C4BPA: variants seen among roughly 807,000 people sequenced by gnomAD.
C4BPA encodes the protein C4b-binding protein alpha chain.
C4BPA carries 31 observed loss-of-function variants against 63.7 expected under a neutral mutation model. The ratio of observed to expected loss-of-function variants is 0.49; its 90% CI spans 0.37 to 0.66. The LOEUF (loss-of-function observed/expected upper bound fraction) is 0.66. Among genes scored for constraint, C4BPA ranks in the 30% least tolerant of loss-of-function variants. The pLI is 0.00. For synonymous variants in C4BPA, 259 were observed against 254.7 expected, an observed-to-expected ratio of 1.02 and a Z score of -0.16; for missense variants, 572 against 723.3, an observed-to-expected ratio of 0.79 and a Z score of 2.40.
Position 207,113,060 on chromosome 1 carries a change from A to T in C4BPA, c.35A>T (p.His12Leu). The change falls in exon 2 of 12, where the codon CAT (histidine) becomes CTT (leucine). Residue 12 changes from histidine (H) to leucine (L), a missense_variant. This residue lies in a region of C4BPA where 107 missense variants were observed against 93.9 expected (regional missense o/e 1.14). Transcript: ENST00000367070. ...CCAAAAACTCCATCTGGGGCTCTTCATAGAAAAAGGAAAATGGCAGCCTGG... is the reference window on the plus strand; with the variant it reads ...CCAAAAACTCCATCTGGGGCTCTTCTTAGAAAAAGGAAAATGGCAGCCTGG... Reference protein sequence around the residue: ...HPPKTPSGALHRKRKMAAWPF... With the variant: ...HPPKTPSGALLRKRKMAAWPF... 1.2e-6 allele frequency: 2 copies of T among 1,609,456 alleles called. No homozygotes were observed. Among genetic ancestry groups the T allele is most frequent in the Non-Finnish European group, 8.5e-7 (1 of 1,178,384 alleles).
Position 207,131,724 on chromosome 1 carries a change from A to C in C4BPA, c.1068A>C (p.Pro356=), listed in dbSNP as rs6663608. ...GTCAGAAAAATTTGAGATGGACCCC[A>C]TACCAAGGATGTGAGGGTGAGTTTT... is the stretch of plus-strand genomic sequence containing the variant. ...VICQKNLRWT[P]YQGCEALCCP... Residue 356 remains proline, a synonymous_variant, in exon 8 of 12, where the codon CCA becomes CCC. Transcript: ENST00000367070. 15,306 of 1,611,848 alleles carry C rather than the reference A, an allele frequency of 9.5e-3. 1,103 individuals are homozygous for C. The African/African-American group carries it at 0.17, about 18-fold the overall frequency.
rs1433524057 is a variant in C4BPA, at chr1:207,126,837, T to G, written c.831T>G (p.Ser277Arg). The change falls in exon 7 of 12, where the codon AGT (serine) becomes AGG (arginine). Residue 277 changes from serine to arginine, a missense_variant. This residue lies in a region of C4BPA where 465 missense variants were observed against 629.4 expected (regional missense o/e 0.74). Coordinates refer to ENST00000367070, the MANE Select transcript of C4BPA (RefSeq NM_000715.4). ...AAGGTTTTGTTCTCAGAGGCAGCAGTGTAATTCATTGTGATGCTGATAGCA... is the reference window on the plus strand; with the variant it reads ...AAGGTTTTGTTCTCAGAGGCAGCAGGGTAATTCATTGTGATGCTGATAGCA... ...CQKGFVLRGSSVIHCDADSKW... is the reference protein window; with the variant it reads ...CQKGFVLRGSRVIHCDADSKW... 1.2e-6 allele frequency: 2 copies of G among 1,613,524 alleles called. No homozygotes were observed.
intron 1 of C4BPA, among the ~76,000 whole-genome samples, chr1:207,105,201 G>A (rs1684533371): frequency 6.6e-6 from 1 of 152,152 alleles, no homozygotes; most frequent in South Asian, 2.1e-4. Context: ...AAGAAGGTTG[G>A]CATTAAGCTT....
At chr1:207,121,596 TGTGA>T (rs1306820372) in intron 4 of C4BPA, among the ~76,000 whole-genome samples, 11 of 152,112 alleles carry the variant, frequency 7.2e-5, no homozygotes, top group Non-Finnish European at 1.2e-4. Flanking sequence ...CATTTATTGA[TGTGA>T]GTGATACTTA....
intron 1 of C4BPA, among the ~76,000 whole-genome samples, chr1:207,106,457 T>TTTTTTTTTTTTTTTTTTTG (rs905722793): frequency 7.7e-6 from 1 of 129,566 alleles, no homozygotes; most frequent in African/African-American, 3.3e-5. Flanking sequence ...TTTTTTTTTT[T>TTTTTTTTTTTTTTTTTTTG]GAAACGGAGT....
chr1:207,106,010 T>C (rs934672869), intron 1 of C4BPA, among the ~76,000 whole-genome samples: 8 of 152,204 alleles, frequency 5.3e-5, no homozygotes, highest in African/African-American at 1.7e-4. Context: ...AATTTGTTCA[T>C]CTAGGTTTAA....
intron 7 of C4BPA, among the ~76,000 whole-genome samples, chr1:207,127,788 G>C (rs1179879811): frequency 1.3e-5 from 2 of 152,186 alleles, no homozygotes; most frequent in African/African-American, 2.4e-5. Flanking sequence ...ACAGTGGGAG[G>C]ACATTGCATT....
chr1:207,105,071 C>G (rs778993675), intron 1 of C4BPA, among the ~76,000 whole-genome samples: 10 of 152,184 alleles, frequency 6.6e-5, no homozygotes, highest in Non-Finnish European at 7.3e-5. Context: ...GGATACAGTA[C>G]CATTCTGGTC....
At chr1:207,126,059 G>A (rs1685035490) in intron 6 of C4BPA, among the ~76,000 whole-genome samples, 1 of 151,912 alleles carries the variant, frequency 6.6e-6, no homozygotes, top group Non-Finnish European at 1.5e-5. Context: ...AATCATCTAG[G>A]AAATTAGGCC....
intron 8 of C4BPA, among the ~76,000 whole-genome samples, chr1:207,132,698 A>AT (rs1163258131): frequency 6.6e-6 from 1 of 152,202 alleles, no homozygotes; most frequent in Non-Finnish European, 1.5e-5. Context: ...AACAAAAAGT[A>AT]TTGCTTATAA....
Position 207,124,099 on chromosome 1 carries a change from T to C in C4BPA, c.515-76T>C, listed in dbSNP as rs1220476640. ...TCTTTACAGGTATGTGTACCTTCCATTAGAATTTGCATGAATTTTAGATTT... is the reference window on the plus strand; with the variant it reads ...TCTTTACAGGTATGTGTACCTTCCACTAGAATTTGCATGAATTTTAGATTT... On this transcript the variant is annotated intron_variant, in intron 5 of 11. Transcript: ENST00000367070. 2.0e-6 allele frequency: 3 copies of C among 1,512,548 alleles called. No homozygotes were observed. In the African/African-American group the frequency reaches 4.1e-5, roughly 21 times the overall value. 93.7% of individuals were successfully genotyped at this position (1,512,548 alleles called of 1,614,324 possible). A position where few individuals can be genotyped will look rare whatever the true frequency, so the allele number is the denominator to read the frequency against.
chr1:207,129,500 A>C (rs1164772623), intron 7 of C4BPA, among the ~76,000 whole-genome samples: 1 of 151,984 alleles, frequency 6.6e-6, no homozygotes, highest in East Asian at 1.9e-4. Context: ...AGGATATTGC[A>C]AAAAGGTCTA....
intron 4 of C4BPA, 30 bp from the exon 5 acceptor site, chr1:207,123,892 C>G: frequency 7.7e-7 from 1 of 1,294,964 alleles, no homozygotes; most frequent in South Asian, 1.2e-5. Context: ...AGGAGGAATT[C>G]CATTAAAATC....
chr1:207,136,816 T>C (rs1572796903), intron 9 of C4BPA, among the ~76,000 whole-genome samples: 1 of 152,148 alleles, frequency 6.6e-6, no homozygotes, highest in Non-Finnish European at 1.5e-5. Flanking sequence ...GCCATAAAGA[T>C]TGCTCTGGGA....
At chr1:207,124,110 A>G (rs942147808) in intron 5 of C4BPA, 65 bp from the exon 6 acceptor site, 1 of 1,545,846 alleles carries the variant, frequency 6.5e-7, no homozygotes, top group Non-Finnish European at 8.9e-7. Flanking sequence ...TAGAATTTGC[A>G]TGAATTTTAG....
intron 4 of C4BPA, among the ~76,000 whole-genome samples, chr1:207,120,274 C>T (rs1427143470): frequency 3.9e-5 from 6 of 152,076 alleles, no homozygotes; most frequent in East Asian, 1.9e-4. Context: ...ATTTGATTTT[C>T]GGGTAAACAA....
At chr1:207,117,526 T>C (rs1684828400) in intron 4 of C4BPA, among the ~76,000 whole-genome samples, 1 of 152,186 alleles carries the variant, frequency 6.6e-6, no homozygotes, top group African/African-American at 2.4e-5. Flanking sequence ...TAAGAATATG[T>C]TACCGTAGAG....
intron 6 of C4BPA, among the ~76,000 whole-genome samples, chr1:207,125,811 C>T (rs1685027455): frequency 6.6e-6 from 1 of 152,154 alleles, no homozygotes; most frequent in Non-Finnish European, 1.5e-5. Context: ...CTGTGCAACC[C>T]TCCAGCCAAA....
intron 9 of C4BPA, among the ~76,000 whole-genome samples, chr1:207,137,721 GATTCTT>G (rs1266929491): frequency 1.3e-5 from 2 of 152,128 alleles, no homozygotes; most frequent in African/African-American, 2.4e-5. Flanking sequence ...GGGTTCAAGA[GATTCTT>G]GTGCCTCAGC....
Sources: allele counts gnomAD v4.1 joint callset (sites outside exome capture counted in the v4.1 genomes callset), GRCh38; gene constraint gnomAD v4.1.1; regional missense constraint gnomAD v4.1.1; transcripts MANE v1.5; gene names NCBI Gene and HGNC (gene_info 2026-07-23, HGNC 2026-07-21).